MBNL1: variants seen among roughly 807,000 people sequenced by gnomAD.
MBNL1 encodes the protein muscleblind-like protein 1.
Under a neutral mutation model 42.2 loss-of-function variants are expected in MBNL1, and 8 were observed. The ratio of observed to expected loss-of-function variants is 0.19; its 90% CI spans 0.11 to 0.34. The LOEUF is 0.34. Ranked by LOEUF, MBNL1 falls within the 10% of genes least tolerant of loss-of-function variation. MBNL1 has a pLI of 1.00. For synonymous variants in MBNL1, 169 were observed against 173.9 expected, an observed-to-expected ratio of 0.97 and a Z score of 0.22; for missense variants, 309 against 495.3, an observed-to-expected ratio of 0.62 and a Z score of 3.57.
chr3:152,268,782 A>G, upstream of MBNL1: 1 of 449,354 alleles, frequency 2.2e-6, no homozygotes, highest in Non-Finnish European at 4.4e-6. Context: ...GGAAAGTTGA[A>G]GAGCGTTTTT....
chr3:152,248,503 T>A (rs1478128710), intron 2 of MBNL1, among the ~76,000 whole-genome samples: 6 of 152,180 alleles, frequency 3.9e-5, no homozygotes, highest in Non-Finnish European at 7.4e-5. Flanking sequence ...TATTTTTCTA[T>A]GGTCATAATT....
intron 2 of MBNL1, among the ~76,000 whole-genome samples, chr3:152,351,084 T>G (rs1473450824): frequency 6.6e-6 from 1 of 152,158 alleles, no homozygotes; most frequent in African/African-American, 2.4e-5. Context: ...TCAGACTTTT[T>G]TTTTTCCTGT....
At chr3:152,459,379 TGTG>T in intron 9 of MBNL1, 34 bp downstream of exon 9, 1 of 1,287,918 alleles carries the variant, frequency 7.8e-7, no homozygotes, top group South Asian at 1.6e-5. Context: ...GTTGCATATT[TGTG>T]GTGGTTTTTT....
intron 2 of MBNL1, among the ~76,000 whole-genome samples, chr3:152,348,873 A>G (rs1213440424): frequency 6.6e-6 from 1 of 152,108 alleles, no homozygotes; most frequent in East Asian, 1.9e-4. Flanking sequence ...GTGTAGAAAA[A>G]GGCACTGGAC....
At chr3:152,391,836 C>G (rs139310138) in intron 2 of MBNL1, among the ~76,000 whole-genome samples, 23 of 152,296 alleles carry the variant, frequency 1.5e-4, no homozygotes, top group Admixed American at 5.2e-4. Context: ...CTCTGGCTTG[C>G]TGAATCTGTC....
At chr3:152,362,908 A>G (rs1464508340) in intron 2 of MBNL1, among the ~76,000 whole-genome samples, 4 of 152,164 alleles carry the variant, frequency 2.6e-5, no homozygotes, top group East Asian at 1.9e-4. Context: ...TAAGTACTCA[A>G]AGTTGGGGAG....
At position 152,445,390 on chromosome 3, in the gene MBNL1, G is replaced by C; in HGVS notation, c.658G>C (p.Val220Leu). The C allele has an allele frequency of 1.9e-6, 3 of 1,614,132 alleles. No individual in the cohort carries two copies. The highest frequency in any genetic ancestry group is 2.5e-6 in the Non-Finnish European group (3 of 1,179,992). The change falls in exon 5 of 10, where the codon GTG becomes CTG. Residue 220 changes from valine to leucine, a missense_variant. Physicochemically the swap from Val to Leu is conservative, Grantham distance 32. Coordinates refer to ENST00000324210, the MANE Select transcript of MBNL1 (RefSeq NM_021038.5). ...MIDTNDNTVT[V>L]CMDYIKGRCS... ...TGACACCAATGACAACACAGTCACTGTGTGTATGGATTACATCAAAGGGAG... is the reference window on the plus strand; with the variant it reads ...TGACACCAATGACAACACAGTCACTCTGTGTATGGATTACATCAAAGGGAG...
chr3:152,277,013 A>G (rs2045624080), intron 1 of MBNL1, among the ~76,000 whole-genome samples: 1 of 152,168 alleles, frequency 6.6e-6, no homozygotes, highest in Non-Finnish European at 1.5e-5. Flanking sequence ...TGGGGGTATT[A>G]ACAATTATTT....
chr3:152,291,713 C>T (rs192577897), intron 1 of MBNL1, among the ~76,000 whole-genome samples: 6 of 152,258 alleles, frequency 3.9e-5, no homozygotes, highest in East Asian at 3.9e-4. Flanking sequence ...AAGCAGATAG[C>T]GAGATAAGCG....
chr3:152,256,693 A>G (rs1206115620), intron 2 of MBNL1, among the ~76,000 whole-genome samples: 1 of 152,162 alleles, frequency 6.6e-6, no homozygotes, highest in East Asian at 1.9e-4. Flanking sequence ...TGATTTGGAG[A>G]AAGAATACAG....
intron 2 of MBNL1, among the ~76,000 whole-genome samples, chr3:152,369,310 G>T (rs568012046): frequency 1.3e-5 from 2 of 152,086 alleles, no homozygotes; most frequent in African/African-American, 4.8e-5. Context: ...GATGGATTAC[G>T]TTTATTGATT....
intron 2 of MBNL1, among the ~76,000 whole-genome samples, chr3:152,252,579 T>C (rs148091163): frequency 2.6e-5 from 4 of 152,174 alleles, no homozygotes; most frequent in African/African-American, 9.6e-5. Flanking sequence ...GTTGAGCTTT[T>C]ATCTTTGTAT....
chr3:152,292,311 A>G (rs1246861953), intron 1 of MBNL1, among the ~76,000 whole-genome samples: 2 of 152,228 alleles, frequency 1.3e-5, no homozygotes, highest in Non-Finnish European at 2.9e-5. Flanking sequence ...TGTCCTAAAT[A>G]TGAATACTTA....
chr3:152,433,218 A>G (rs2099029520), intron 4 of MBNL1, among the ~76,000 whole-genome samples: 1 of 152,142 alleles, frequency 6.6e-6, no homozygotes, highest in Admixed American at 6.5e-5. Context: ...CGCTTACCTC[A>G]AAGAGTTAGG....
chr3:152,372,508 A>G (rs1444176025), intron 2 of MBNL1, among the ~76,000 whole-genome samples: 1 of 152,010 alleles, frequency 6.6e-6, no homozygotes, highest in Non-Finnish European at 1.5e-5. Flanking sequence ...GTTGATGTTG[A>G]TGCTATTCCT....
At chr3:152,415,310 A>T (rs545554878) in intron 3 of MBNL1, among the ~76,000 whole-genome samples, 199 bp downstream of exon 3, 2 of 152,350 alleles carry the variant, frequency 1.3e-5, no homozygotes, top group Admixed American at 6.5e-5. Context: ...TGGCTAAATC[A>T]TGTGGACATT....
rs570692914 is a variant in MBNL1, at chr3:152,456,428, C to T, written c.1092+67C>T. The T allele has an allele frequency of 6.7e-4, 862 of 1,287,146 alleles. 4 individuals are homozygous for T. Among genetic ancestry groups the T allele is most frequent in the Middle Eastern group, 2.4e-3 (13 of 5,408 alleles). 79.7% of individuals were successfully genotyped at this position (1,287,146 alleles called of 1,614,324 possible). ...ATAGGGCTCAATCCAACAGCCCTTA[C>T]GCACGTGGATTTCCCATTGAGGTCA... On this transcript the variant is annotated intron_variant, in intron 8 of 9. Transcript: ENST00000324210.
At chr3:152,396,414 A>G (rs2097939820) in intron 2 of MBNL1, among the ~76,000 whole-genome samples, 1 of 152,124 alleles carries the variant, frequency 6.6e-6, no homozygotes, top group Non-Finnish European at 1.5e-5. Flanking sequence ...GTTATAGAAG[A>G]CATAATGCTC....
intron 2 of MBNL1, among the ~76,000 whole-genome samples, chr3:152,332,141 G>A (rs2085092296): frequency 1.3e-5 from 2 of 152,174 alleles, no homozygotes; most frequent in Admixed American, 1.3e-4. Flanking sequence ...ATCTATCTAT[G>A]TTTATTTAGA....
Sources: gnomAD v4.1 joint callset for allele counts (sites outside exome capture counted in the v4.1 genomes callset) on GRCh38, gnomAD v4.1.1 for gene constraint, MANE v1.5 for transcripts, NCBI Gene and HGNC (gene_info 2026-07-23, HGNC 2026-07-21) for gene names.